CEP70: variants seen among roughly 807,000 people sequenced by gnomAD.
The protein encoded by CEP70 is centrosomal protein 70, also known as centrosomal protein of 70 kDa.
A neutral mutation model predicts 90.9 loss-of-function variants in CEP70; 70 were observed. The ratio of observed to expected loss-of-function variants is 0.77; its 90% CI spans 0.64 to 0.94. The LOEUF (loss-of-function observed/expected upper bound fraction) is 0.94, where lower values mean the gene tolerates loss of function less well. Ranked by LOEUF, CEP70 falls within the 40% of genes least tolerant of loss-of-function variation. CEP70 has a pLI of 0.00. For missense variants in CEP70, 648 were observed against 669.0 expected (o/e 0.97, Z 0.35); for synonymous variants, 220 against 228.3 (o/e 0.96, Z 0.33).
At chr3:138,528,946 C>T (rs926795226) in intron 10 of CEP70, among the ~76,000 whole-genome samples, 1 of 152,026 alleles carries the variant, frequency 6.6e-6, no homozygotes, top group Non-Finnish European at 1.5e-5. Flanking sequence ...GAGCTGAGAT[C>T]GCGCCACTGC....
chr3:138,576,837 T>C (rs1232773055), intron 2 of CEP70, among the ~76,000 whole-genome samples: 1 of 152,180 alleles, frequency 6.6e-6, no homozygotes, highest in East Asian at 1.9e-4. Context: ...CTGAACAACC[T>C]GCTCCTGAAT....
chr3:138,570,482 C>G lies in CEP70; in HGVS notation c.301G>C (p.Glu101Gln). 6.2e-7 allele frequency: 1 copy of G among 1,605,144 alleles called. No homozygotes were observed. Among genetic ancestry groups the G allele is most frequent in the Non-Finnish European group, 8.5e-7 (1 of 1,177,458 alleles). Residue 101 changes from glutamate (E) to glutamine (Q), a missense_variant, in exon 6 of 18, where the codon GAG becomes CAG. Coordinates refer to ENST00000264982, the MANE Select transcript of CEP70 (RefSeq NM_024491.4). ...TCTTGATTGGCTGCTCGGCTTTGCT[C>G]TAGCTGAAGTTCATTTCTAAGTTAA... ...NQQLRNELQL[E>Q]QSRAANQEQR... is the part of the protein sequence containing the mutation.
intron 2 of CEP70, among the ~76,000 whole-genome samples, chr3:138,585,079 G>C (rs1163336964): frequency 1.3e-5 from 2 of 152,078 alleles, no homozygotes; most frequent in African/African-American, 4.8e-5. Context: ...AGGAAAAAAA[G>C]GCCATCAAAA....
chr3:138,544,509 G>GTA (rs2039029178), intron 6 of CEP70, among the ~76,000 whole-genome samples: 2 of 148,976 alleles, frequency 1.3e-5, no homozygotes, highest in Non-Finnish European at 3.0e-5. Flanking sequence ...ACTACAGAGT[G>GTA]TGTATGTATG....
At chr3:138,501,897 T>TG (rs1437643975) in intron 13 of CEP70, among the ~76,000 whole-genome samples, 1 of 152,196 alleles carries the variant, frequency 6.6e-6, no homozygotes, top group Non-Finnish European at 1.5e-5. Context: ...TTTGGATCAG[T>TG]GATGCTCAAA....
chr3:138,508,475 A>G lies in CEP70; in HGVS notation c.1014T>C (p.Asn338=). The change falls in exon 12 of 18, where the codon AAT becomes AAC. Residue 338 remains asparagine (N), a synonymous_variant. Transcript: ENST00000264982. ...TCTGGTCAATTAGGGCCTGTTGCTG[A>G]TTATATTTGCTGGGCTCATCTTTCT... ...TEKKDEPSKY[N]QQQALIDQRY... 2.5e-6 allele frequency: 4 copies of G among 1,612,614 alleles called. No individual in the cohort carries two copies. Among genetic ancestry groups the G allele is most frequent in the Non-Finnish European group, 3.4e-6 (4 of 1,178,844 alleles).
intron 6 of CEP70, among the ~76,000 whole-genome samples, chr3:138,558,958 T>C (rs983590258): frequency 5.3e-5 from 8 of 152,214 alleles, no homozygotes; most frequent in Non-Finnish European, 7.3e-5. Flanking sequence ...AAATTAACCA[T>C]TTTAAAGTGA....
intron 6 of CEP70, among the ~76,000 whole-genome samples, chr3:138,551,151 T>G (rs1043043401): frequency 1.3e-5 from 2 of 152,196 alleles, no homozygotes; most frequent in Admixed American, 6.5e-5. Flanking sequence ...GGAAAACCTA[T>G]AAGATTAACA....
intron 2 of CEP70, among the ~76,000 whole-genome samples, chr3:138,580,321 G>A (rs1037894013): frequency 9.2e-5 from 14 of 152,126 alleles, no homozygotes; most frequent in Admixed American, 9.2e-4. Context: ...GCTCAGCACA[G>A]AGAGACTCCA....
At chr3:138,537,001 C>CAAAAAAAAAAAAA (rs57447148) in intron 7 of CEP70, 177 bp downstream of exon 7, 2 of 234,076 alleles carry the variant, frequency 8.5e-6, no homozygotes, top group African/African-American at 3.1e-5. Context: ...ACCTCTAGAA[C>CAAAAAAAAAAAAA]AAAAAAAAAA....
chr3:138,542,467 T>C (rs1347519715), intron 6 of CEP70, among the ~76,000 whole-genome samples: 3 of 152,234 alleles, frequency 2.0e-5, no homozygotes, highest in Non-Finnish European at 4.4e-5. Context: ...GGGGATGTGT[T>C]TCAGGTGGCA....
At chr3:138,541,243 G>T (rs75036170) in intron 6 of CEP70, among the ~76,000 whole-genome samples, 4 of 152,008 alleles carry the variant, frequency 2.6e-5, no homozygotes, top group Non-Finnish European at 5.9e-5. Context: ...TAATAAATAA[G>T]TACATTCTCA....
chr3:138,560,889 A>C (rs2040359073), intron 6 of CEP70, among the ~76,000 whole-genome samples: 1 of 151,544 alleles, frequency 6.6e-6, no homozygotes, highest in African/African-American at 2.4e-5. Context: ...TAGAGATAAA[A>C]CCCCCATCTC....
intron 6 of CEP70, among the ~76,000 whole-genome samples, chr3:138,548,042 T>C (rs967802638): frequency 3.3e-5 from 5 of 152,200 alleles, no homozygotes; most frequent in African/African-American, 7.2e-5. Context: ...AACATTATCC[T>C]GATACCAAAG....
chr3:138,521,248 A>G (rs2036591512), intron 11 of CEP70, among the ~76,000 whole-genome samples: 1 of 152,052 alleles, frequency 6.6e-6, no homozygotes, highest in African/African-American at 2.4e-5. Flanking sequence ...GGAAGTGAGG[A>G]GCGTCTCTGC....
chr3:138,539,725 G>C (rs1444168664), intron 6 of CEP70, among the ~76,000 whole-genome samples: 2 of 152,150 alleles, frequency 1.3e-5, no homozygotes, highest in African/African-American at 4.8e-5. Flanking sequence ...AGTTGAGAAA[G>C]AGCAAGGGGT....
At chr3:138,588,762 C>T (rs1285902847) in intron 2 of CEP70, among the ~76,000 whole-genome samples, 1 of 152,154 alleles carries the variant, frequency 6.6e-6, no homozygotes, top group Non-Finnish European at 1.5e-5. Context: ...AGCATTATGT[C>T]CACACAAAGA....
intron 6 of CEP70, among the ~76,000 whole-genome samples, chr3:138,549,252 G>T (rs2039444891): frequency 6.6e-6 from 1 of 151,562 alleles, no homozygotes; most frequent in African/African-American, 2.4e-5. Flanking sequence ...GAGAAGCGGG[G>T]AGGCACGGAA....
chr3:138,572,615 A>G (rs1375146250), intron 3 of CEP70, among the ~76,000 whole-genome samples: 1 of 152,230 alleles, frequency 6.6e-6, no homozygotes, highest in Non-Finnish European at 1.5e-5. Context: ...ACAGAACACT[A>G]GTCTAATGAA....
Sources: allele counts gnomAD v4.1 joint callset (sites outside exome capture counted in the v4.1 genomes callset), GRCh38; gene constraint gnomAD v4.1.1; transcripts MANE v1.5; gene names NCBI Gene and HGNC (gene_info 2026-07-23, HGNC 2026-07-21).